The following DNAAF1 variants were observed in gnomAD, a reference collection of about 807,000 sequenced individuals.
DNAAF1 encodes the protein dynein assembly factor 1, axonemal.
Under a neutral mutation model 71.1 loss-of-function variants are expected in DNAAF1, and 65 were observed. That is an observed-to-expected ratio of 0.91 (90% CI 0.75 to 1.12). The LOEUF (loss-of-function observed/expected upper bound fraction) is 1.12, where lower values mean the gene tolerates loss of function less well. Ranked by LOEUF, DNAAF1 falls within the 50% of genes most tolerant of loss-of-function variation. DNAAF1 has a pLI of 0.00. For synonymous variants in DNAAF1, 414 were observed against 354.6 expected, an observed-to-expected ratio of 1.17 and a Z score of -1.88; for missense variants, 1,178 against 899.8, an observed-to-expected ratio of 1.31 and a Z score of -3.96.
chr16:84,162,635 A>G lies in DNAAF1; in HGVS notation c.863+2839A>G, dbSNP rs2087767887. Among the ~76,000 whole-genome samples, 3 of 152,026 alleles carry G rather than the reference A, an allele frequency of 2.0e-5. No individual in the cohort carries two copies. The South Asian group carries it at 6.2e-4, about 32-fold the overall frequency. ...AGAGATTGAGACCATCCTGGCCAAC[A>G]CGGTGAAACCTCATCTCTACTAAAA... On this transcript the variant is annotated intron_variant, in intron 6 of 11. Coordinates refer to ENST00000378553, the MANE Select transcript of DNAAF1 (RefSeq NM_178452.6).
intron 7 of DNAAF1, among the ~76,000 whole-genome samples, chr16:84,166,161 C>G (rs1309395177): frequency 4.1e-5 from 6 of 147,144 alleles, no homozygotes; most frequent in African/African-American, 1.5e-4. Flanking sequence ...TCAAGCAATT[C>G]TCGTGCCTCA....
Position 84,154,561 on chromosome 16 carries a change from G to C in DNAAF1, c.353-16G>C. 6.2e-7 allele frequency: 1 copy of C among 1,612,762 alleles called. No homozygotes were observed. The stretch of plus-strand genomic sequence containing the variant: ...GGGAGTAGGAGCTTAATTCCCACGT[G>C]CTTCCTTTTTGTTAGGTTTTGATCG... On this transcript the variant is annotated splice_polypyrimidine_tract_variant and intron_variant, in intron 3 of 11. Transcript: ENST00000378553.
At position 84,172,321 on chromosome 16, in the gene DNAAF1, A is replaced by T. The variant is rs774502745; in HGVS notation, c.1590A>T (p.Arg530Ser). ...TCGTTACAGAACTTGATGGAACGAGAACGGAAGATTTAGAAACCATTAGAC... is the reference window on the plus strand; with the variant it reads ...TCGTTACAGAACTTGATGGAACGAGTACGGAAGATTTAGAAACCATTAGAC... Reference protein sequence around the residue: ...GVFVTELDGTRTEDLETIRLE... With the variant: ...GVFVTELDGTSTEDLETIRLE... Residue 530 changes from arginine to serine, a missense_variant, in exon 9 of 12, where the codon AGA becomes AGT. Physicochemically the swap from Arg to Ser is moderately radical, Grantham distance 110. Transcript: ENST00000378553. 2.5e-6 allele frequency: 4 copies of T among 1,614,244 alleles called. No homozygotes were observed. The highest frequency in any genetic ancestry group is 3.4e-6 in the Non-Finnish European group (4 of 1,180,038).
In DNAAF1 at chr16:84,145,355, C is replaced by G. The variant is rs1174230454; in HGVS notation, c.-86C>G. 4.5e-6 allele frequency: 7 copies of G among 1,539,094 alleles called. No individual in the cohort carries two copies. Among genetic ancestry groups the G allele is most frequent in the South Asian group, 2.4e-5 (2 of 83,924 alleles). Reference sequence around the variant, plus strand: ...CTGGCGAAGAAGGAAAGAGGGTACTCTCTGGCTGGGCTGGGGCCGTAGCGA... The same window carrying G: ...CTGGCGAAGAAGGAAAGAGGGTACTGTCTGGCTGGGCTGGGGCCGTAGCGA... On this transcript the variant is annotated 5_prime_UTR_variant, in exon 1 of 12. Coordinates refer to ENST00000378553, the MANE Select transcript of DNAAF1 (RefSeq NM_178452.6).
chr16:84,159,096 G>A (rs578010801), intron 5 of DNAAF1: 18 of 992,722 alleles, frequency 1.8e-5, no homozygotes, highest in Non-Finnish European at 2.2e-5. Context: ...TTTAAAGATG[G>A]GGGAGGATGG....
At chr16:84,162,317 A>G (rs2087751981) in intron 6 of DNAAF1, 2 of 152,124 alleles carry the variant, frequency 1.3e-5, no homozygotes, top group Admixed American at 1.3e-4. Context: ...AAAGTGTACA[A>G]TGTGGCTGGA....
chr16:84,172,572 A>C, intron 9 of DNAAF1, 197 bp downstream of exon 9: 2 of 1,417,704 alleles, frequency 1.4e-6, no homozygotes, highest in Non-Finnish European at 1.8e-6. Context: ...TCCAACTTTC[A>C]TGCACTGCCC....
In DNAAF1 at chr16:84,172,274, G is replaced by A. The variant is rs753819049; in HGVS notation, c.1543G>A (p.Ala515Thr). 6.2e-7 allele frequency: 1 copy of A among 1,614,134 alleles called. No homozygotes were observed. The highest frequency in any genetic ancestry group is 8.5e-7 in the Non-Finnish European group (1 of 1,180,024). Residue 515 changes from alanine (A) to threonine (T), a missense_variant, in exon 9 of 12, where the codon GCT (alanine) becomes ACT (threonine). By Grantham distance (58) the Ala-to-Thr change is moderately conservative (BLOSUM62 0). Transcript: ENST00000378553. Reference sequence around the variant, plus strand: ...TTGCTCTTTAGAACCGACTCCCCAGGCTGTGGCCACTGAGGGTGTATTCGT... The same window carrying A: ...TTGCTCTTTAGAACCGACTCCCCAGACTGTGGCCACTGAGGGTGTATTCGT... ...GAAREEPTPQ[A>T]VATEGVFVTE...
intron 2 of DNAAF1, 41 bp downstream of exon 2, chr16:84,149,183 A>T (rs762153839): frequency 3.1e-6 from 5 of 1,612,770 alleles, no homozygotes; most frequent in Non-Finnish European, 4.2e-6. Flanking sequence ...TTTATGGAGT[A>T]AGGTAGATGG....
At chr16:84,177,460 C>T in intron 11 of DNAAF1, 2 of 394,994 alleles carry the variant, frequency 5.1e-6, no homozygotes, top group African/African-American at 2.1e-5. Flanking sequence ...TCCCCAGTAG[C>T]TGGTATTATA....
chr16:84,158,650 G>A (rs1053050748), intron 5 of DNAAF1, among the ~76,000 whole-genome samples: 1 of 152,178 alleles, frequency 6.6e-6, no homozygotes, highest in Non-Finnish European at 1.5e-5. Flanking sequence ...CTGCCTGGGT[G>A]TATTGCTCCC....
rs2087061493 is a variant in DNAAF1, at chr16:84,149,098, T to G, written c.216T>G (p.Gly72=). Reference sequence around the variant, plus strand: ...AGAGTGGTGATAATGGGTCAGGTGGTCACTTCGCACACCCAAGAGAAGACA... The same window carrying G: ...AGAGTGGTGATAATGGGTCAGGTGGGCACTTCGCACACCCAAGAGAAGACA... The part of the protein sequence containing the change: ...QKQSGDNGSG[G]HFAHPREDRE... The change falls in exon 2 of 12, where the codon GGT becomes GGG. Residue 72 remains glycine, a synonymous_variant. Coordinates refer to ENST00000378553, the MANE Select transcript of DNAAF1 (RefSeq NM_178452.6). The G allele has an allele frequency of 6.2e-7, 1 of 1,614,092 alleles. No individual in the cohort carries two copies. Among genetic ancestry groups the G allele is most frequent in the African/African-American group, 1.3e-5 (1 of 75,020 alleles).
chr16:84,163,364 C>A (rs1426834116), intron 6 of DNAAF1, among the ~76,000 whole-genome samples: 1 of 148,706 alleles, frequency 6.7e-6, no homozygotes, highest in East Asian at 2.0e-4. Flanking sequence ...TCTTTTTTTT[C>A]CTCTCTCTCT....
At position 84,165,837 on chromosome 16, in the gene DNAAF1, A is replaced by G. The variant is rs2087947762; in HGVS notation, c.918A>G (p.Arg306=). ...RGGYAAEKEE[R]QQWESRERKK... is the part of the protein sequence containing the mutation. The stretch of plus-strand genomic sequence containing the variant: ...GGTACGCAGCTGAAAAGGAGGAGAG[A>G]CAGCAGTGGGAGAGCAGGGAGCGGA... Residue 306 remains arginine, a synonymous_variant, in exon 7 of 12, where the codon AGA becomes AGG. Transcript: ENST00000378553. The G allele has an allele frequency of 6.2e-7, 1 of 1,613,508 alleles. No homozygotes were observed.
intron 10 of DNAAF1, chr16:84,175,129 T>A: frequency 3.7e-6 from 1 of 266,844 alleles, no homozygotes; most frequent in Non-Finnish European, 7.4e-6. Context: ...GTGCTGGGAT[T>A]ACAGGCGTGA....
At position 84,147,824 on chromosome 16, in the gene DNAAF1, G is replaced by A. The variant is rs535453238; in HGVS notation, c.125-1183G>A. Among the ~76,000 whole-genome samples the A allele has an allele frequency of 5.9e-5, 9 of 152,218 alleles. No homozygotes were observed. The East Asian group carries it at 1.7e-3, about 29-fold the overall frequency. Reference sequence around the variant, plus strand: ...CTCACGCCTGTAATCCCAGCACTTTGGAAGGCCAAGGCGGGTGGGTCACCT... The same window carrying A: ...CTCACGCCTGTAATCCCAGCACTTTAGAAGGCCAAGGCGGGTGGGTCACCT... On this transcript the variant is annotated intron_variant, in intron 1 of 11. Coordinates refer to ENST00000378553, the MANE Select transcript of DNAAF1 (RefSeq NM_178452.6).
chr16:84,155,094 G>C (rs1416034024), intron 4 of DNAAF1, among the ~76,000 whole-genome samples: 1 of 152,120 alleles, frequency 6.6e-6, no homozygotes, highest in Non-Finnish European at 1.5e-5. Flanking sequence ...ATTTTTAGTA[G>C]AGACGGGGTT....
Position 84,170,268 on chromosome 16 carries a change from G to C in DNAAF1, c.1440G>C (p.Lys480Asn), listed in dbSNP as rs762634037. ...CCCTGCTACTGTCACCGCCTGTGAA[G>C]GTTAAAGGAGAGGATGGAGATCGAG... ...AETLLLSPPVKVKGEDGDREP... is the reference protein window; with the variant it reads ...AETLLLSPPVNVKGEDGDREP... Residue 480 changes from lysine to asparagine, a missense_variant, in exon 8 of 12, where the codon AAG becomes AAC. Coordinates refer to ENST00000378553, the MANE Select transcript of DNAAF1 (RefSeq NM_178452.6). 2.5e-6 allele frequency: 4 copies of C among 1,609,848 alleles called. No individual in the cohort carries two copies. The highest frequency in any genetic ancestry group is 1.7e-5 in the Admixed American group (1 of 59,082).
Position 84,145,317 on chromosome 16 carries a change from A to G in DNAAF1, c.-124A>G, listed in dbSNP as rs1481330006. On this transcript the variant is annotated 5_prime_UTR_variant, in exon 1 of 12. Coordinates refer to ENST00000378553, the MANE Select transcript of DNAAF1 (RefSeq NM_178452.6). ...GGGGAAGCGTTGGGCTGTAAAGACT[A>G]GGGCGCCAGCGGCTGGCGAAGAAGG... The G allele has an allele frequency of 5.4e-6, 8 of 1,477,790 alleles. No homozygotes were observed. In the East Asian group the frequency reaches 7.5e-5, roughly 14 times the overall value. The allele number at this position is 1,477,790 out of a possible 1,614,324, so 91.5% of individuals were successfully genotyped here.
Sources: allele counts gnomAD v4.1 joint callset (sites outside exome capture counted in the v4.1 genomes callset), GRCh38; gene constraint gnomAD v4.1.1; transcripts MANE v1.5; gene names NCBI Gene and HGNC (gene_info 2026-07-23, HGNC 2026-07-21).